The following AFF3 variants were observed in gnomAD, a reference collection of about 807,000 sequenced individuals.
AFF3 encodes the protein ALF transcription elongation factor 3.
A neutral mutation model predicts 129.7 loss-of-function variants in AFF3; 32 were observed. The ratio of observed to expected loss-of-function variants is 0.25; its 90% CI spans 0.19 to 0.33. AFF3 has a LOEUF of 0.33. AFF3 is among the 10% of genes least tolerant of loss of function. AFF3 has a pLI of 1.00. For synonymous variants in AFF3, 644 were observed against 635.4 expected (o/e 1.01, Z -0.20); for missense variants, 1,373 against 1,592.0 (o/e 0.86, Z 2.34).
intron 7 of AFF3, among the ~76,000 whole-genome samples, chr2:99,926,784 C>G (rs571113175): frequency 1.3e-5 from 2 of 152,250 alleles, no homozygotes; most frequent in Admixed American, 6.5e-5. Context: ...ATATGCTTAA[C>G]AAGGCTTCTG....
chr2:99,865,317 A>C (rs1331369439), intron 7 of AFF3, among the ~76,000 whole-genome samples: 1 of 152,242 alleles, frequency 6.6e-6, no homozygotes, highest in African/African-American at 2.4e-5. Context: ...TGAAGCCTTC[A>C]AGGAAAACAG....
chr2:99,798,817 A>G (rs953493369), intron 8 of AFF3, among the ~76,000 whole-genome samples: 1 of 152,018 alleles, frequency 6.6e-6, no homozygotes, highest in Non-Finnish European at 1.5e-5. Flanking sequence ...ATACAACTTC[A>G]AGGAGAAATA....
At chr2:99,751,764 C>A (rs1238871424) in intron 9 of AFF3, among the ~76,000 whole-genome samples, 1 of 152,098 alleles carries the variant, frequency 6.6e-6, no homozygotes, top group African/African-American at 2.4e-5. Flanking sequence ...ATATAGATAT[C>A]TTTTTTTAAG....
chr2:99,616,047 G>A (rs953657815), intron 13 of AFF3, among the ~76,000 whole-genome samples: 1 of 152,156 alleles, frequency 6.6e-6, no homozygotes, highest in African/African-American at 2.4e-5. Flanking sequence ...TGCTTATAGA[G>A]GTGAAATCAT....
chr2:100,061,967 T>TG (rs1687324785), intron 4 of AFF3, among the ~76,000 whole-genome samples: 1 of 152,078 alleles, frequency 6.6e-6, no homozygotes, highest in Non-Finnish European at 1.5e-5. Flanking sequence ...GACTGGCAGC[T>TG]GGTACACAGC....
chr2:99,686,861 C>T (rs1037560405), intron 11 of AFF3, among the ~76,000 whole-genome samples: 1 of 152,230 alleles, frequency 6.6e-6, no homozygotes, highest in African/African-American at 2.4e-5. Context: ...CCCTCTACAG[C>T]TGGGAGCCTA....
chr2:99,719,708 A>G (rs1276587646), intron 11 of AFF3, among the ~76,000 whole-genome samples: 1 of 152,150 alleles, frequency 6.6e-6, no homozygotes, highest in East Asian at 1.9e-4. Context: ...TATTATTTAC[A>G]TAGTTTATCT....
At chr2:99,978,872 C>T (rs954813351) in intron 7 of AFF3, among the ~76,000 whole-genome samples, 6 of 152,186 alleles carry the variant, frequency 3.9e-5, no homozygotes, top group African/African-American at 1.4e-4. Flanking sequence ...GACTTCTCTG[C>T]CTCTAGAATG....
intron 1 of AFF3, among the ~76,000 whole-genome samples, chr2:100,130,255 T>C (rs1692371296): frequency 6.6e-6 from 1 of 152,200 alleles, no homozygotes. Context: ...AGCTTGCAGA[T>C]GTCATCCTTC....
At chr2:99,709,099 C>G (rs1049375604) in intron 11 of AFF3, among the ~76,000 whole-genome samples, 1 of 152,122 alleles carries the variant, frequency 6.6e-6, no homozygotes, top group Non-Finnish European at 1.5e-5. Context: ...GGGCTCTAGG[C>G]GGGTGCAGAG....
chr2:99,815,775 G>A (rs560177661), intron 8 of AFF3, among the ~76,000 whole-genome samples: 3 of 148,978 alleles, frequency 2.0e-5, no homozygotes, highest in East Asian at 4.0e-4. Context: ...GTTAGTTTCT[G>A]ACAAGAAGTC....
At chr2:99,713,752 G>A (rs116700696) in intron 11 of AFF3, among the ~76,000 whole-genome samples, 109 of 151,462 alleles carry the variant, frequency 7.2e-4, no homozygotes, top group African/African-American at 2.6e-3. Context: ...GGCTAGAGTG[G>A]CAATGGTGTG....
At chr2:99,561,990 G>A (rs1675519190) in intron 20 of AFF3, among the ~76,000 whole-genome samples, 1 of 152,048 alleles carries the variant, frequency 6.6e-6, no homozygotes, top group South Asian at 2.1e-4. Context: ...AAACTGTCAC[G>A]CCACTCCCTC....
chr2:99,954,495 G>A (rs910495518), intron 7 of AFF3, among the ~76,000 whole-genome samples: 2 of 151,966 alleles, frequency 1.3e-5, no homozygotes, highest in Non-Finnish European at 2.9e-5. Context: ...ATTCACAATA[G>A]CAAAGACTTG....
intron 8 of AFF3, among the ~76,000 whole-genome samples, chr2:99,788,559 G>C (rs1684970572): frequency 6.6e-6 from 1 of 151,674 alleles, no homozygotes; most frequent in African/African-American, 2.4e-5. Context: ...CTTAAACTAA[G>C]TGTTATTACA....
intron 11 of AFF3, among the ~76,000 whole-genome samples, chr2:99,689,362 G>A (rs527834153): frequency 6.6e-6 from 1 of 152,224 alleles, no homozygotes; most frequent in South Asian, 2.1e-4. Flanking sequence ...CCACTTCTCT[G>A]AGTCTCGGCC....
At chr2:99,758,904 G>T (rs1486416289) in intron 8 of AFF3, among the ~76,000 whole-genome samples, 1 of 152,072 alleles carries the variant, frequency 6.6e-6, no homozygotes, top group Non-Finnish European at 1.5e-5. Context: ...CCTCACCCTA[G>T]TACTCAAGAC....
intron 7 of AFF3, among the ~76,000 whole-genome samples, chr2:99,996,328 C>T (rs944712997): frequency 6.6e-6 from 1 of 152,146 alleles, no homozygotes. Context: ...GAAGGATCTG[C>T]TCTTTAACCA....
At position 99,933,138 on chromosome 2, in the gene AFF3, C is replaced by T. The variant is rs139300516; in HGVS notation, c.873+73494G>A. Among the ~76,000 whole-genome samples, 1,353 of 151,332 alleles carry T rather than the reference C, an allele frequency of 8.9e-3. 20 individuals are homozygous for T. Among genetic ancestry groups the T allele is most frequent in the African/African-American group, 0.031 (1,285 of 41,396 alleles). ...GCCCTGTGCTATTAGTGATGAGTTTCACCGGAGGTCTTTTTTTTTAAATAA... is the reference window on the plus strand; with the variant it reads ...GCCCTGTGCTATTAGTGATGAGTTTTACCGGAGGTCTTTTTTTTTAAATAA... On this transcript the variant is annotated intron_variant, in intron 7 of 24. Coordinates refer to ENST00000672756, the MANE Select transcript of AFF3 (RefSeq NM_001386135.1).
Sources: allele counts gnomAD v4.1 joint callset (sites outside exome capture counted in the v4.1 genomes callset), GRCh38; gene constraint gnomAD v4.1.1; transcripts MANE v1.5; gene names NCBI Gene and HGNC (gene_info 2026-07-23, HGNC 2026-07-21).